GLYATL3: variants seen among roughly 807,000 people sequenced by gnomAD.
GLYATL3 encodes the protein glycine-N-acyltransferase like 3, also known as glycine N-acyltransferase-like protein 3.
Under a neutral mutation model 28.5 loss-of-function variants are expected in GLYATL3, and 31 were observed. The ratio of observed to expected loss-of-function variants is 1.09; its 90% CI spans 0.82 to 1.47. The LOEUF is 1.47. GLYATL3 is among the 40% of genes most tolerant of loss of function. The pLI is 0.00. For synonymous variants in GLYATL3, 141 were observed against 140.2 expected (o/e 1.01, Z -0.04); for missense variants, 369 against 351.5 (o/e 1.05, Z -0.40).
intron 5 of GLYATL3, among the ~76,000 whole-genome samples, chr6:49,523,158 C>G (rs1181497728): frequency 2.0e-5 from 3 of 152,152 alleles, no homozygotes; most frequent in African/African-American, 7.2e-5. Context: ...GGAAAGGGAG[C>G]ATTGTGTAAA....
intron 2 of GLYATL3, among the ~76,000 whole-genome samples, chr6:49,513,097 T>C (rs1769152381): frequency 6.6e-6 from 1 of 152,218 alleles, no homozygotes; most frequent in Non-Finnish European, 1.5e-5. Flanking sequence ...TAATTATTTT[T>C]CCAGAGATAA....
At chr6:49,514,808 G>T (rs1291176112) in intron 2 of GLYATL3, among the ~76,000 whole-genome samples, 1 of 152,112 alleles carries the variant, frequency 6.6e-6, no homozygotes, top group African/African-American at 2.4e-5. Flanking sequence ...ACTCCAGCCT[G>T]GGTGACAGAG....
At chr6:49,502,739 T>C (rs9395496) in intron 1 of GLYATL3, among the ~76,000 whole-genome samples, 36,850 of 152,026 alleles carry the variant, frequency 0.24, 5,215 homozygotes, top group Middle Eastern at 0.37. Context: ...GTAGCAGCAG[T>C]CACAGTAACA....
chr6:49,507,515 G>T (rs1168112861), intron 1 of GLYATL3, among the ~76,000 whole-genome samples: 16 of 152,182 alleles, frequency 1.1e-4, no homozygotes, highest in African/African-American at 3.9e-4. Context: ...GACTGTGATT[G>T]TCGCATAATA....
chr6:49,520,739 G>A (rs551850873), intron 4 of GLYATL3, among the ~76,000 whole-genome samples: 1 of 152,290 alleles, frequency 6.6e-6, no homozygotes, highest in African/African-American at 2.4e-5. Context: ...GGAAGGGCCA[G>A]GCATGGTGGA....
At chr6:49,518,343 G>C (rs1376281634) in intron 4 of GLYATL3, among the ~76,000 whole-genome samples, 1 of 152,188 alleles carries the variant, frequency 6.6e-6, no homozygotes, top group Non-Finnish European at 1.5e-5. Context: ...AGAAGATTAA[G>C]GGTTTCTGAT....
At chr6:49,517,703 T>A in intron 4 of GLYATL3, 147 bp downstream of exon 4, 1 of 530,536 alleles carries the variant, frequency 1.9e-6, no homozygotes, top group Non-Finnish European at 3.1e-6. Context: ...ATACATTTTA[T>A]GCATTTACCA....
intron 1 of GLYATL3, among the ~76,000 whole-genome samples, chr6:49,507,634 C>T (rs748819475): frequency 3.9e-5 from 6 of 152,124 alleles, no homozygotes; most frequent in African/African-American, 1.4e-4. Context: ...AACCTGCATT[C>T]GGAGTGCACT....
intron 5 of GLYATL3, among the ~76,000 whole-genome samples, chr6:49,523,415 G>A (rs1769349621): frequency 6.6e-6 from 1 of 152,180 alleles, no homozygotes; most frequent in South Asian, 2.1e-4. Flanking sequence ...GATTTTATTG[G>A]CAGCATCCTC....
At chr6:49,523,933 T>C (rs1384460663) in intron 5 of GLYATL3, among the ~76,000 whole-genome samples, 1 of 152,202 alleles carries the variant, frequency 6.6e-6, no homozygotes, top group Non-Finnish European at 1.5e-5. Flanking sequence ...AAATTTCCTC[T>C]GTCCAGTCAA....
intron 2 of GLYATL3, among the ~76,000 whole-genome samples, chr6:49,512,787 C>T (rs1769148137): frequency 6.6e-6 from 1 of 152,154 alleles, no homozygotes; most frequent in Non-Finnish European, 1.5e-5. Context: ...CAGAGACTTG[C>T]ATTTTTACCA....
chr6:49,522,420 C>T (rs1479245342), intron 5 of GLYATL3, among the ~76,000 whole-genome samples: 2 of 152,172 alleles, frequency 1.3e-5, no homozygotes, highest in Non-Finnish European at 2.9e-5. Context: ...CCTGCTCTGT[C>T]ATTTACTAAT....
chr6:49,524,042 A>C (rs1183374364), intron 5 of GLYATL3, among the ~76,000 whole-genome samples: 2 of 152,068 alleles, frequency 1.3e-5, no homozygotes, highest in South Asian at 2.1e-4. Flanking sequence ...CACTGATGCA[A>C]ACAATTTGCC....
At chr6:49,526,452 T>G in intron 5 of GLYATL3, 36 bp from the exon 6 acceptor site, 59 of 1,516,588 alleles carry the variant, frequency 3.9e-5, no homozygotes, top group Non-Finnish European at 4.9e-5. Flanking sequence ...CACATGAGTC[T>G]GAGGTCCTAT....
chr6:49,520,524 C>T (rs753899753), intron 4 of GLYATL3, among the ~76,000 whole-genome samples: 5 of 152,220 alleles, frequency 3.3e-5, no homozygotes, highest in Non-Finnish European at 7.3e-5. Flanking sequence ...CACCTTCCCA[C>T]TCATGCATTC....
At chr6:49,520,246 G>C (rs1400794165) in intron 4 of GLYATL3, among the ~76,000 whole-genome samples, 1 of 152,150 alleles carries the variant, frequency 6.6e-6, no homozygotes, top group Non-Finnish European at 1.5e-5. Context: ...AGTGGGGGTA[G>C]GGATTGAAGG....
intron 5 of GLYATL3, among the ~76,000 whole-genome samples, chr6:49,525,255 T>C (rs991650389): frequency 2.6e-5 from 4 of 151,718 alleles, no homozygotes; most frequent in Non-Finnish European, 5.9e-5. Flanking sequence ...AGAAAAACTT[T>C]AGACAGATTA....
intron 5 of GLYATL3, among the ~76,000 whole-genome samples, chr6:49,525,147 AC>A (rs1769385063): frequency 6.8e-6 from 1 of 147,928 alleles, no homozygotes; most frequent in Non-Finnish European, 1.5e-5. Context: ...ATCTGGACTT[AC>A]CAAGGCCTCA....
Position 49,515,534 on chromosome 6 carries a change from T to C in GLYATL3, c.79-119T>C, listed in dbSNP as rs141327116. The C allele has an allele frequency of 3.6e-5, 22 of 613,902 alleles. No individual in the cohort carries two copies. The East Asian group carries it at 6.1e-4, about 17-fold the overall frequency. The allele number at this position is 613,902 out of a possible 1,614,324, so 38.0% of individuals were successfully genotyped here. A position where few individuals can be genotyped will look rare whatever the true frequency, so the allele number is the denominator to read the frequency against. ...ATGTGTCTGAATGTATGTATATATATATTTATAATTTCCCCTCTTGTGGAC... is the reference window on the plus strand; with the variant it reads ...ATGTGTCTGAATGTATGTATATATACATTTATAATTTCCCCTCTTGTGGAC... On this transcript the variant is annotated intron_variant, in intron 2 of 5. Coordinates refer to ENST00000371197, the MANE Select transcript of GLYATL3 (RefSeq NM_001010904.2).
Sources: allele counts gnomAD v4.1 joint callset (sites outside exome capture counted in the v4.1 genomes callset), GRCh38; gene constraint gnomAD v4.1.1; transcripts MANE v1.5; gene names NCBI Gene and HGNC (gene_info 2026-07-23, HGNC 2026-07-21).